IFT80: variants seen among roughly 807,000 people sequenced by gnomAD.
IFT80 encodes the protein intraflagellar transport 80.
A neutral mutation model predicts 107.9 loss-of-function variants in IFT80; 79 were observed. The ratio of observed to expected loss-of-function variants is 0.73; its 90% CI spans 0.61 to 0.88. IFT80 has a LOEUF of 0.88. Among genes scored for constraint, IFT80 ranks in the 40% least tolerant of loss-of-function variants. The pLI is 0.00. For synonymous variants in IFT80, 299 were observed against 300.9 expected, an observed-to-expected ratio of 0.99 and a Z score of 0.07; for missense variants, 797 against 914.2, an observed-to-expected ratio of 0.87 and a Z score of 1.65.
intron 12 of IFT80, among the ~76,000 whole-genome samples, chr3:160,292,581 G>A (rs927410881): frequency 6.7e-6 from 1 of 148,980 alleles, no homozygotes; most frequent in African/African-American, 2.5e-5. Flanking sequence ...CCAGGTTCAA[G>A]CAATTCTCCT....
At chr3:160,306,340 A>C (rs1401568059) in intron 10 of IFT80, among the ~76,000 whole-genome samples, 1 of 152,206 alleles carries the variant, frequency 6.6e-6, no homozygotes, top group African/African-American at 2.4e-5. Context: ...TAACTAGTAG[A>C]ATAATGGGGA....
chr3:160,276,822 G>A (rs954735245), intron 18 of IFT80, among the ~76,000 whole-genome samples: 3 of 152,028 alleles, frequency 2.0e-5, no homozygotes, highest in East Asian at 1.9e-4. Context: ...ATAATGTAGC[G>A]GATGTCTTTT....
At chr3:160,398,624 C>A (rs559214622) in intron 1 of IFT80, among the ~76,000 whole-genome samples, 25 of 152,112 alleles carry the variant, frequency 1.6e-4, no homozygotes, top group Non-Finnish European at 3.4e-4. Context: ...AGCCCAATCA[C>A]CTACCACCAG....
At chr3:160,398,201 C>G (rs1463383650) in intron 1 of IFT80, among the ~76,000 whole-genome samples, 1 of 152,146 alleles carries the variant, frequency 6.6e-6, no homozygotes, top group Non-Finnish European at 1.5e-5. Flanking sequence ...GCAATACACA[C>G]CAGTCTCCCA....
chr3:160,260,531 T>C (rs139309110), intron 19 of IFT80, among the ~76,000 whole-genome samples: 21 of 152,338 alleles, frequency 1.4e-4, no homozygotes, highest in Middle Eastern at 6.8e-3. Context: ...TAGTTATTTG[T>C]TATAATACAA....
At chr3:160,321,262 T>G (rs540585662) in intron 8 of IFT80, among the ~76,000 whole-genome samples, 1 of 152,000 alleles carries the variant, frequency 6.6e-6, no homozygotes, top group Non-Finnish European at 1.5e-5. Context: ...AAAATGAAAT[T>G]AATTCATTTG....
chr3:160,345,884 C>T (rs942045211), intron 8 of IFT80, among the ~76,000 whole-genome samples: 1 of 151,908 alleles, frequency 6.6e-6, no homozygotes, highest in Non-Finnish European at 1.5e-5. Flanking sequence ...TTTAAAATCA[C>T]TAAAGGAGTA....
At chr3:160,294,887 G>T (rs1396889503) in intron 12 of IFT80, among the ~76,000 whole-genome samples, 1 of 152,126 alleles carries the variant, frequency 6.6e-6, no homozygotes, top group East Asian at 1.9e-4. Context: ...CGCAAATAAG[G>T]TGCAGTCTGT....
In IFT80 at chr3:160,300,735, A is replaced by C; in HGVS notation, c.1315+148T>G. 3 of 636,154 alleles carry C rather than the reference A, an allele frequency of 4.7e-6. No homozygotes were observed. In the South Asian group the frequency reaches 6.8e-5, roughly 14 times the overall value. 39.4% of individuals were successfully genotyped at this position (636,154 alleles called of 1,614,324 possible). ...ACAACTTCAGCTGCTTAATTAACTC[A>C]TGTTTTGAAAACAAAATAGAAAGCT... On this transcript the variant is annotated intron_variant, in intron 12 of 19. Transcript: ENST00000326448.
chr3:160,354,477 G>A lies in IFT80; in HGVS notation c.777+1536C>T, dbSNP rs192764742. ...ATCCTGGCTAACACAGTGAAACCCC[G>A]TCTCCGCTAAAAACACACCAAAAAA... On this transcript the variant is annotated intron_variant, in intron 8 of 19. Transcript: ENST00000326448. Among the ~76,000 whole-genome samples, 30 of 151,852 alleles carry A rather than the reference G, an allele frequency of 2.0e-4. No homozygotes were observed. The East Asian group carries it at 4.3e-3, about 22-fold the overall frequency.
intron 1 of IFT80, chr3:160,391,550 A>G (rs1181993796): frequency 6.6e-6 from 1 of 152,320 alleles, no homozygotes; most frequent in Non-Finnish European, 1.5e-5. Context: ...ACACACCTGT[A>G]ATCCCAGCTA....
At chr3:160,392,384 A>T (rs1038742707) in intron 1 of IFT80, among the ~76,000 whole-genome samples, 11 of 152,106 alleles carry the variant, frequency 7.2e-5, no homozygotes, top group Admixed American at 7.2e-4. Context: ...TCTCCACTGA[A>T]CCCCACACTT....
rs1275475088 is a variant in IFT80, at chr3:160,258,507, T to C, written c.*18A>G. ...ACGTGTTTCAAAAGATAAAATTTCT[T>C]AAAGATACGCATGGCATTTAGGGCT... On this transcript the variant is annotated 3_prime_UTR_variant, in exon 20 of 20. Coordinates refer to ENST00000326448, the MANE Select transcript of IFT80 (RefSeq NM_020800.3). The C allele has an allele frequency of 6.2e-7, 1 of 1,613,536 alleles. No individual in the cohort carries two copies. Among genetic ancestry groups the C allele is most frequent in the Non-Finnish European group, 8.5e-7 (1 of 1,179,906 alleles).
At chr3:160,356,231 T>C (rs1278573260) in intron 7 of IFT80, 81 bp from the exon 8 acceptor site, 2 of 1,210,228 alleles carry the variant, frequency 1.7e-6, no homozygotes, top group Non-Finnish European at 2.3e-6. Context: ...ATAAATAAAA[T>C]AAAAATGTTT....
At chr3:160,279,105 C>A (rs1714491175) in intron 16 of IFT80, 88 bp downstream of exon 16, 2 of 1,054,134 alleles carry the variant, frequency 1.9e-6, no homozygotes, top group Non-Finnish European at 2.9e-6. Context: ...ATTTTTCCAG[C>A]CTTTAAGCCT....
At chr3:160,270,631 GA>G (rs762636018) in intron 18 of IFT80, among the ~76,000 whole-genome samples, 4 of 152,050 alleles carry the variant, frequency 2.6e-5, no homozygotes, top group Non-Finnish European at 5.9e-5. Flanking sequence ...CTAGAATATA[GA>G]GGGGAAAAGT....
intron 6 of IFT80, 130 bp from the exon 7 acceptor site, chr3:160,357,708 A>T (rs1189805130): frequency 1.6e-6 from 1 of 636,254 alleles, no homozygotes; most frequent in Admixed American, 2.7e-5. Context: ...TCTTCCTTTT[A>T]TAGCCAATGT....
intron 6 of IFT80, among the ~76,000 whole-genome samples, chr3:160,358,150 G>A (rs1165664407): frequency 1.3e-5 from 2 of 152,008 alleles, no homozygotes; most frequent in Non-Finnish European, 2.9e-5. Flanking sequence ...TGGGACTACA[G>A]GGACATGCCA....
chr3:160,309,067 A>T (rs987400097), intron 9 of IFT80, among the ~76,000 whole-genome samples: 60 of 152,326 alleles, frequency 3.9e-4, no homozygotes, highest in African/African-American at 1.3e-3. Flanking sequence ...TACCCAGATT[A>T]TGGTATTTTG....
Sources: gnomAD v4.1 joint callset for allele counts (sites outside exome capture counted in the v4.1 genomes callset) on GRCh38, gnomAD v4.1.1 for gene constraint, MANE v1.5 for transcripts, NCBI Gene and HGNC (gene_info 2026-07-23, HGNC 2026-07-21) for gene names.